The following BAIAP2L1 variants were observed in gnomAD, a reference collection of about 807,000 sequenced individuals.
BAIAP2L1 encodes the protein BAR/IMD domain containing adaptor protein 2 like 1, also known as BAR/IMD domain-containing adapter protein 2-like 1.
Under a neutral mutation model 66.3 loss-of-function variants are expected in BAIAP2L1, and 35 were observed. The ratio of observed to expected loss-of-function variants is 0.53; its 90% confidence interval spans 0.40 to 0.70. The LOEUF (loss-of-function observed/expected upper bound fraction) is 0.70. Ranked by LOEUF, BAIAP2L1 falls within the 30% of genes least tolerant of loss-of-function variation. BAIAP2L1 has a pLI of 0.00. For missense variants in BAIAP2L1, 622 were observed against 656.9 expected (o/e 0.95, Z 0.58); for synonymous variants, 269 against 248.7 (o/e 1.08, Z -0.77).
At chr7:98,376,865 C>T (rs573285354) in intron 1 of BAIAP2L1, among the ~76,000 whole-genome samples, 17 of 152,150 alleles carry the variant, frequency 1.1e-4, no homozygotes, top group Admixed American at 3.3e-4. Flanking sequence ...TAATCTAACA[C>T]GGTGTTGTCT....
intron 1 of BAIAP2L1, among the ~76,000 whole-genome samples, chr7:98,376,329 C>T (rs913132190): frequency 2.7e-5 from 4 of 150,844 alleles, no homozygotes; most frequent in Non-Finnish European, 5.9e-5. Context: ...ATAGTGAGAC[C>T]CCGTCTCTAC....
chr7:98,394,472 A>G (rs1442435949), intron 1 of BAIAP2L1, among the ~76,000 whole-genome samples: 1 of 152,164 alleles, frequency 6.6e-6, no homozygotes, highest in African/African-American at 2.4e-5. Flanking sequence ...CCCTACAGAG[A>G]AACGGCAGAT....
chr7:98,356,398 C>G (rs1584481033), intron 2 of BAIAP2L1, among the ~76,000 whole-genome samples: 1 of 152,158 alleles, frequency 6.6e-6, no homozygotes, highest in Non-Finnish European at 1.5e-5. Flanking sequence ...GGAGACCACA[C>G]AGTTTTGGAG....
At position 98,319,092 on chromosome 7, in the gene BAIAP2L1, C is replaced by T. The variant is rs141211850; in HGVS notation, c.348+966G>A. Among the ~76,000 whole-genome samples, 869 of 152,296 alleles carry T rather than the reference C, an allele frequency of 5.7e-3. 13 individuals carry two copies. Among genetic ancestry groups the T allele is most frequent in the African/African-American group, 0.02 (815 of 41,548 alleles). On this transcript the variant is annotated intron_variant, in intron 5 of 13. Transcript: ENST00000005260. ...CTCCTGCCGGGAGGGTGCAGCCAGG[C>T]AGCAGTCCTCACGAGGACGACAGGG...
chr7:98,308,382 C>A, intron 9 of BAIAP2L1: 2 of 429,664 alleles, frequency 4.7e-6, no homozygotes, highest in South Asian at 1.7e-5. Flanking sequence ...CACCCCCAGG[C>A]CTAAGAAGGA....
chr7:98,327,412 G>A (rs1801401387), intron 3 of BAIAP2L1, among the ~76,000 whole-genome samples: 1 of 151,728 alleles, frequency 6.6e-6, no homozygotes, highest in South Asian at 2.1e-4. Flanking sequence ...GGTGGCTCAC[G>A]CCTGTAATCC....
intron 1 of BAIAP2L1, among the ~76,000 whole-genome samples, chr7:98,391,121 C>T (rs1803031779): frequency 6.6e-6 from 1 of 151,464 alleles, no homozygotes; most frequent in East Asian, 2.0e-4. Flanking sequence ...GGATTACAGG[C>T]GTGAGCCACT....
Position 98,321,865 on chromosome 7 carries a change from A to C in BAIAP2L1, c.215-1567T>G, listed in dbSNP as rs567091037. Among the ~76,000 whole-genome samples the C allele has an allele frequency of 2.6e-5, 4 of 152,292 alleles. No homozygotes were observed. The East Asian group carries it at 5.8e-4, about 22-fold the overall frequency. ...TCATCCTAGCACTTTTGGGAGGCTG[A>C]GGTGGGAGTATCACGAGGTAAGGAG... On this transcript the variant is annotated intron_variant, in intron 3 of 13. Transcript: ENST00000005260.
chr7:98,340,085 A>T (rs1421412146), intron 3 of BAIAP2L1, among the ~76,000 whole-genome samples: 1 of 152,178 alleles, frequency 6.6e-6, no homozygotes, highest in African/African-American at 2.4e-5. Flanking sequence ...AGTAACTGTG[A>T]AAACTGGGTT....
intron 12 of BAIAP2L1, among the ~76,000 whole-genome samples, chr7:98,297,382 C>A (rs1009245523): frequency 6.6e-6 from 1 of 152,178 alleles, no homozygotes; most frequent in Non-Finnish European, 1.5e-5. Context: ...GCTCGGAGCA[C>A]CGAGCACCAC....
chr7:98,349,386 C>G (rs1038182986), intron 3 of BAIAP2L1, among the ~76,000 whole-genome samples: 2 of 152,126 alleles, frequency 1.3e-5, no homozygotes, highest in African/African-American at 4.8e-5. Flanking sequence ...GGCACAAGAG[C>G]GGAGCAATAC....
chr7:98,331,103 G>C (rs1009891777), intron 3 of BAIAP2L1, among the ~76,000 whole-genome samples: 1 of 152,172 alleles, frequency 6.6e-6, no homozygotes, highest in South Asian at 2.1e-4. Context: ...GAATGCCTTT[G>C]ATAAGTTCAC....
chr7:98,369,136 T>C (rs1298254073), intron 1 of BAIAP2L1, among the ~76,000 whole-genome samples: 1 of 151,990 alleles, frequency 6.6e-6, no homozygotes, highest in Non-Finnish European at 1.5e-5. Flanking sequence ...GATAATTTCA[T>C]TAGCACACAG....
chr7:98,333,030 CT>C (rs1272762117), intron 3 of BAIAP2L1, among the ~76,000 whole-genome samples: 1 of 152,024 alleles, frequency 6.6e-6, no homozygotes, highest in East Asian at 1.9e-4. Flanking sequence ...GCCTCAGGGC[CT>C]TTGCACTTGC....
chr7:98,357,020 A>AATATAT (rs1554337327), intron 2 of BAIAP2L1, among the ~76,000 whole-genome samples: 8 of 28,098 alleles, frequency 2.8e-4, no homozygotes, highest in Non-Finnish European at 3.6e-4. Context: ...AAAAAAAAAA[A>AATATAT]ATATATATAT....
chr7:98,298,232 A>G (rs989297172), intron 12 of BAIAP2L1, among the ~76,000 whole-genome samples: 1 of 152,208 alleles, frequency 6.6e-6, no homozygotes, highest in Non-Finnish European at 1.5e-5. Context: ...GGGATGCTCT[A>G]TGGACACCTA....
chr7:98,330,113 C>T lies in BAIAP2L1; in HGVS notation c.215-9815G>A, dbSNP rs1345859723. Among the ~76,000 whole-genome samples the T allele has an allele frequency of 5.3e-5, 8 of 152,088 alleles. No homozygotes were observed. The South Asian group carries it at 1.2e-3, about 24-fold the overall frequency. On this transcript the variant is annotated intron_variant, in intron 3 of 13. Coordinates refer to ENST00000005260, the MANE Select transcript of BAIAP2L1 (RefSeq NM_018842.5). Reference sequence around the variant, plus strand: ...CTACCTCAGTTCCTATTATCTGACACGTCATGTTCAGCTTCTAAAAGCAGC... The same window carrying T: ...CTACCTCAGTTCCTATTATCTGACATGTCATGTTCAGCTTCTAAAAGCAGC...
At chr7:98,333,748 A>G (rs1183408538) in intron 3 of BAIAP2L1, among the ~76,000 whole-genome samples, 1 of 30,214 alleles carries the variant, frequency 3.3e-5, no homozygotes, top group Non-Finnish European at 6.5e-5. Context: ...ACCCTCCCCA[A>G]ACTAAGGGAC....
intron 7 of BAIAP2L1, among the ~76,000 whole-genome samples, chr7:98,313,982 C>CTTTTT (rs35599338): frequency 7.9e-5 from 8 of 100,974 alleles, no homozygotes; most frequent in East Asian, 2.7e-4. Context: ...CTTTTTCTTC[C>CTTTTT]TTTTTTTTTT....
Sources: allele counts gnomAD v4.1 joint callset (sites outside exome capture counted in the v4.1 genomes callset), GRCh38; gene constraint gnomAD v4.1.1; transcripts MANE v1.5; gene names NCBI Gene and HGNC (gene_info 2026-07-23, HGNC 2026-07-21).